Variants in POGLUT1 observed in about 807,000 individuals in gnomAD.
The protein encoded by POGLUT1 is 9630046K23Rik.
Under a neutral mutation model 61.3 loss-of-function variants are expected in POGLUT1, and 32 were observed. The ratio of observed to expected loss-of-function variants is 0.52; its 90% CI spans 0.39 to 0.70. The LOEUF (loss-of-function observed/expected upper bound fraction) is 0.70. POGLUT1 is among the 30% of genes least tolerant of loss of function. The probability of loss-of-function intolerance (pLI) is 0.00; values close to 1 mark genes in which losing one functional copy is unlikely to be tolerated. For missense variants in POGLUT1, 411 were observed against 469.8 expected (o/e 0.87, Z 1.16); for synonymous variants, 158 against 158.2 (o/e 1.00, Z 0.01).
In POGLUT1 at chr3:119,469,176, C is replaced by G. The variant is rs765115424; in HGVS notation, c.85+70C>G. On this transcript the variant is annotated intron_variant, in intron 1 of 10. Transcript: ENST00000295588. ...TGGCCGGAGTCCCGAGGCGCTCCCC[C>G]GCGCGGCCGGCTCCCGGGAAGATGC... The G allele has an allele frequency of 4.0e-6, 5 of 1,263,210 alleles. No individual in the cohort carries two copies. In the South Asian group the frequency reaches 6.3e-5, roughly 16 times the overall value. The allele number at this position is 1,263,210 out of a possible 1,614,324, so 78.3% of individuals were successfully genotyped here.
At chr3:119,469,391 G>T in intron 1 of POGLUT1, 1 of 570,474 alleles carries the variant, frequency 1.8e-6, no homozygotes, top group African/African-American at 1.9e-5. Flanking sequence ...GGCTACTCTG[G>T]ACCTGCCTGA....
chr3:119,470,348 G>A (rs2081455840), intron 2 of POGLUT1, among the ~76,000 whole-genome samples: 1 of 152,192 alleles, frequency 6.6e-6, no homozygotes, highest in African/African-American at 2.4e-5. Context: ...GGCCAAGGCA[G>A]GTGGATCACC....
intron 3 of POGLUT1, among the ~76,000 whole-genome samples, chr3:119,476,583 T>C (rs925272682): frequency 1.4e-4 from 22 of 152,184 alleles, no homozygotes; most frequent in African/African-American, 5.1e-4. Flanking sequence ...GTTATTTCCA[T>C]GCTGCCAGAA....
chr3:119,473,324 T>G (rs2081497449), intron 3 of POGLUT1, among the ~76,000 whole-genome samples: 1 of 125,000 alleles, frequency 8.0e-6, no homozygotes. Context: ...TTTAATAGTT[T>G]GCTGAACAAT....
At position 119,492,577 on chromosome 3, in the gene POGLUT1, A is replaced by G. The variant is rs553143335; in HGVS notation, c.*139A>G. ...TACCTGGTTTTCCTTATCATGCTGC[A>G]CCCAGAGCAACTCTTGAGAAAGATT... On this transcript the variant is annotated 3_prime_UTR_variant, in exon 11 of 11. Coordinates refer to ENST00000295588, the MANE Select transcript of POGLUT1 (RefSeq NM_152305.3). 18 of 477,854 alleles carry G rather than the reference A, an allele frequency of 3.8e-5. No homozygotes were observed. In the Admixed American group the frequency reaches 4.7e-4, roughly 12 times the overall value. 29.6% of individuals were successfully genotyped at this position (477,854 alleles called of 1,614,324 possible).
Position 119,471,356 on chromosome 3 carries a change from A to C in POGLUT1, c.224A>C (p.Lys75Thr). ...LTPFRGGISR[K>T]MMAEVVRRKL... is the part of the protein sequence containing the mutation. ...CCTTTCCGAGGAGGCATCTCCAGGA[A>C]GATGATGGCAGAGGTAGTCAGACGG... Residue 75 changes from lysine to threonine, a missense_variant, in exon 3 of 11, where the codon AAG becomes ACG. Physicochemically the swap from Lys to Thr is moderately conservative, Grantham distance 78. Coordinates refer to ENST00000295588, the MANE Select transcript of POGLUT1 (RefSeq NM_152305.3). The C allele has an allele frequency of 6.2e-7, 1 of 1,613,972 alleles. No homozygotes were observed. The highest frequency in any genetic ancestry group is 2.2e-5 in the East Asian group (1 of 44,882).
chr3:119,485,326 AG>A lies in POGLUT1; in HGVS notation c.579del. ...GAAACTAATTAAATTCTATATTCTT[AG>A]GTCAGCAGCACAGTGGCCATGGAAA... On this transcript the variant is annotated splice_acceptor_variant, in intron 5 of 10. Coordinates refer to ENST00000295588, the MANE Select transcript of POGLUT1 (RefSeq NM_152305.3). LOFTEE classifies it high-confidence loss of function. 1 of 1,576,914 alleles carries A rather than the reference AG, an allele frequency of 6.3e-7. No individual in the cohort carries two copies. Among genetic ancestry groups the A allele is most frequent in the Non-Finnish European group, 8.7e-7 (1 of 1,147,666 alleles).
At chr3:119,479,967 G>A (rs375602585) in intron 4 of POGLUT1, 84 bp from the exon 5 acceptor site, 19 of 1,597,886 alleles carry the variant, frequency 1.2e-5, no homozygotes, top group Middle Eastern at 1.7e-4. Context: ...AACCAAGGCT[G>A]TCCAGATCCT....
At chr3:119,475,983 C>G (rs867549663) in intron 3 of POGLUT1, among the ~76,000 whole-genome samples, 1 of 107,064 alleles carries the variant, frequency 9.3e-6, no homozygotes, top group Non-Finnish European at 2.1e-5. Context: ...CACACACACA[C>G]ACACACACAC....
intron 3 of POGLUT1, among the ~76,000 whole-genome samples, chr3:119,474,396 G>A (rs2081511811): frequency 6.6e-6 from 1 of 152,056 alleles, no homozygotes; most frequent in African/African-American, 2.4e-5. Flanking sequence ...CGTTCCTTCT[G>A]CCTCTTTGCA....
At chr3:119,478,312 T>C (rs932892631) in intron 4 of POGLUT1, 1 of 455,580 alleles carries the variant, frequency 2.2e-6, no homozygotes, top group African/African-American at 2.0e-5. Flanking sequence ...TTTTTCTTTA[T>C]CATAGTTTAC....
Position 119,486,911 on chromosome 3 carries a change from C to T in POGLUT1, c.717C>T (p.Asn239=). The part of the protein sequence containing the change: ...PKLVDAEYTK[N]QAWKSMKDTL... ...TTGTTGATGCAGAATACACCAAAAA[C>T]CAGGCCTGGAAATCTATGAAAGTAA... The change falls in exon 7 of 11, where the codon AAC becomes AAT. Residue 239 remains asparagine, a synonymous_variant. Coordinates refer to ENST00000295588, the MANE Select transcript of POGLUT1 (RefSeq NM_152305.3). The T allele has an allele frequency of 6.2e-7, 1 of 1,611,334 alleles. No individual in the cohort carries two copies.
At chr3:119,481,261 A>G (rs570630542) in intron 5 of POGLUT1, among the ~76,000 whole-genome samples, 1 of 152,308 alleles carries the variant, frequency 6.6e-6, no homozygotes, top group Non-Finnish European at 1.5e-5. Context: ...TCTCTGATTC[A>G]TGACTGAGAC....
intron 5 of POGLUT1, among the ~76,000 whole-genome samples, chr3:119,481,205 C>T (rs1051358760): frequency 6.6e-6 from 1 of 152,130 alleles, no homozygotes; most frequent in Admixed American, 6.6e-5. Context: ...GCTGAGGGAG[C>T]ATAAATGTCC....
chr3:119,482,285 A>G (rs1435997484), intron 5 of POGLUT1, among the ~76,000 whole-genome samples: 1 of 152,222 alleles, frequency 6.6e-6, no homozygotes, highest in Non-Finnish European at 1.5e-5. Flanking sequence ...AATTTTACAA[A>G]TATGTATAAC....
Position 119,492,436 on chromosome 3 carries a change from T to C in POGLUT1, c.1177T>C (p.Ter393GlnextTer1), listed in dbSNP as rs775293342. ...TCCCAAAATGTTGAAAACTGAACTATAGTAGTCATCATAGGACCATAGTCC... is the reference window on the plus strand; with the variant it reads ...TCCCAAAATGTTGAAAACTGAACTACAGTAGTCATCATAGGACCATAGTCC... ...IIPKMLKTEL* is the reference protein window; with the variant it reads ...IIPKMLKTELQ The change falls in exon 11 of 11, where the codon TAG (stop) becomes CAG (glutamine). Residue 393 changes from the stop codon to glutamine (Q), a stop_lost. Transcript: ENST00000295588. The C allele has an allele frequency of 7.5e-6, 12 of 1,590,654 alleles. No homozygotes were observed. Among genetic ancestry groups the C allele is most frequent in the Non-Finnish European group, 9.4e-6 (11 of 1,164,680 alleles).
At position 119,473,381 on chromosome 3, in the gene POGLUT1, CTCT is replaced by C. The variant is rs571416370; in HGVS notation, c.320+1935_320+1937del. On this transcript the variant is annotated intron_variant, in intron 3 of 10. Coordinates refer to ENST00000295588, the MANE Select transcript of POGLUT1 (RefSeq NM_152305.3). ...TTCAAAGTTTCTGAAAGGCACAATTCTCTTCTTCCTGAGCTCAGAACATTTTGG... is the reference window on the plus strand; with the variant it reads ...TTCAAAGTTTCTGAAAGGCACAATTCTCTTCCTGAGCTCAGAACATTTTGG... Among the ~76,000 whole-genome samples, 307 of 152,296 alleles carry C rather than the reference CTCT, an allele frequency of 2.0e-3. 2 individuals carry two copies. Among genetic ancestry groups the C allele is most frequent in the Non-Finnish European group, 3.3e-3 (227 of 68,014 alleles).
chr3:119,481,289 C>G (rs2081603250), intron 5 of POGLUT1, among the ~76,000 whole-genome samples: 1 of 152,136 alleles, frequency 6.6e-6, no homozygotes, highest in Non-Finnish European at 1.5e-5. Flanking sequence ...GGCCTGTTGA[C>G]TCCATCCTGC....
chr3:119,492,241 A>G (rs1429559198), intron 10 of POGLUT1, 41 bp from the exon 11 acceptor site: 1 of 1,507,376 alleles, frequency 6.6e-7, no homozygotes. Flanking sequence ...TTATCATTAA[A>G]TTCTGTGCTT....
Sources: gnomAD v4.1 joint callset for allele counts (sites outside exome capture counted in the v4.1 genomes callset) on GRCh38, gnomAD v4.1.1 for gene constraint, MANE v1.5 for transcripts, NCBI Gene and HGNC (gene_info 2026-07-23, HGNC 2026-07-21) for gene names.